NPHP4: variants seen among roughly 807,000 people sequenced by gnomAD.
The protein encoded by NPHP4 is nephrocystin 4.
A neutral mutation model predicts 155.8 loss-of-function variants in NPHP4; 151 were observed. That is an observed-to-expected ratio of 0.97 (90% CI 0.85 to 1.11). The LOEUF is 1.11. Ranked by LOEUF, NPHP4 falls within the 50% of genes least tolerant of loss-of-function variation. The pLI is 0.00. For missense variants in NPHP4, 1,956 were observed against 1,925.7 expected (o/e 1.02, Z -0.29); for synonymous variants, 845 against 816.8 (o/e 1.03, Z -0.59).
intron 26 of NPHP4, 114 bp from the exon 27 acceptor site, chr1:5,865,387 C>G: frequency 2.1e-6 from 2 of 963,454 alleles, no homozygotes; most frequent in East Asian, 2.7e-5. Context: ...GCAGGGAAAG[C>G]CCCAGAGGAC....
chr1:5,868,943 TGCAC>T (rs1213681527), intron 23 of NPHP4, among the ~76,000 whole-genome samples: 1 of 104,926 alleles, frequency 9.5e-6, no homozygotes, highest in African/African-American at 3.8e-5. Context: ...TGCACCCACA[TGCAC>T]ACACACACAA....
chr1:5,964,933 A>ATTTTTTTTTTTTT (rs1327414741), intron 5 of NPHP4, among the ~76,000 whole-genome samples: 3 of 23,778 alleles, frequency 1.3e-4, no homozygotes, highest in South Asian at 1.1e-3. Context: ...ATATATATAT[A>ATTTTTTTTTTTTT]TATATATATT....
chr1:5,920,014 CCT>C (rs991218673), intron 11 of NPHP4, among the ~76,000 whole-genome samples: 1 of 152,164 alleles, frequency 6.6e-6, no homozygotes, highest in Non-Finnish European at 1.5e-5. Context: ...CTCACTGCAA[CCT>C]CTGACTCCCA....
intron 6 of NPHP4, among the ~76,000 whole-genome samples, chr1:5,958,674 G>A (rs767311686): frequency 4.1e-5 from 6 of 147,978 alleles, no homozygotes; most frequent in Non-Finnish European, 8.9e-5. Flanking sequence ...TTGCCTGGGC[G>A]ACAGAGCAAG....
At chr1:5,904,905 G>A (rs562044384) in intron 15 of NPHP4, 101 bp from the exon 16 acceptor site, 49 of 1,198,048 alleles carry the variant, frequency 4.1e-5, no homozygotes, top group African/African-American at 1.5e-4. Flanking sequence ...CACCTTAGTC[G>A]CTGGGGAACA....
Position 5,905,551 on chromosome 1 carries a change from G to T in NPHP4, c.1764-68C>A. 6.3e-7 allele frequency: 1 copy of T among 1,599,080 alleles called. No individual in the cohort carries two copies. The highest frequency in any genetic ancestry group is 2.2e-5 in the East Asian group (1 of 44,648). ...GGACCCATTGATGCACCTCCCTGTG[G>T]AAACCCTGGGGTTCACAAGGTCCAA... On this transcript the variant is annotated intron_variant, in intron 14 of 29. Coordinates refer to ENST00000378156, the MANE Select transcript of NPHP4 (RefSeq NM_015102.5). The surrounding 1 kb of genome is among the most constrained non-coding windows in gnomAD (Gnocchi z 4.0).
intron 17 of NPHP4, chr1:5,888,385 T>G: frequency 9.1e-7 from 1 of 1,094,248 alleles, no homozygotes; most frequent in Non-Finnish European, 1.1e-6. Flanking sequence ...TGGGAGCAGA[T>G]GAGGTTCCGG....
chr1:5,885,629 C>T (rs959796510), intron 18 of NPHP4, among the ~76,000 whole-genome samples: 1 of 152,214 alleles, frequency 6.6e-6, no homozygotes, highest in Non-Finnish European at 1.5e-5. Context: ...GGTTTCCTTG[C>T]GTGGCCTCAG....
chr1:5,877,260 C>T lies in NPHP4; in HGVS notation c.2650G>A (p.Asp884Asn). The change falls in exon 20 of 30, where the codon GAC becomes AAC. Residue 884 changes from aspartate (D) to asparagine (N), a missense_variant. Transcript: ENST00000378156. The part of the protein sequence containing the change: ...VVQAQKLADV[D>N]SELAAMLLTH... ...AGTAGCATGGCAGCCAGCTCACTGT[C>T]CACGTCCGCCAGCTTCTGTGCTTGC... 2 of 1,605,490 alleles carry T rather than the reference C, an allele frequency of 1.2e-6. No individual in the cohort carries two copies. The highest frequency in any genetic ancestry group is 1.7e-6 in the Non-Finnish European group (2 of 1,173,622).
chr1:5,989,643 C>T (rs570884668), intron 1 of NPHP4, among the ~76,000 whole-genome samples: 4 of 152,356 alleles, frequency 2.6e-5, no homozygotes, highest in Admixed American at 2.6e-4. Flanking sequence ...TTATAACATT[C>T]AGAAATGTAT....
chr1:5,910,138 G>A lies in NPHP4; in HGVS notation c.1442-925C>T, dbSNP rs1446932279. ...ACTGCCATTTGCCTTTGCCCACCAT[G>A]AAACCACCAAGCCAGACCCCAAGCC... On this transcript the variant is annotated intron_variant, in intron 11 of 29. Coordinates refer to ENST00000378156, the MANE Select transcript of NPHP4 (RefSeq NM_015102.5). The surrounding 1 kb of genome is among the most constrained non-coding windows in gnomAD (Gnocchi z 5.4). Among the ~76,000 whole-genome samples the A allele has an allele frequency of 6.6e-6, 1 of 152,158 alleles. No individual in the cohort carries two copies.
Position 5,867,134 on chromosome 1 carries a change from C to CA in NPHP4, c.3473-20dup. 6.3e-7 allele frequency: 1 copy of CA among 1,586,868 alleles called. No homozygotes were observed. The highest frequency in any genetic ancestry group is 8.6e-7 in the Non-Finnish European group (1 of 1,161,214). The stretch of plus-strand genomic sequence containing the variant: ...GGAGCACCTGGAGCAGGGGAAATGT[C>CA]AAAAAGAGTCTTCTCCACAGCCCCA... On this transcript the variant is annotated intron_variant, in intron 24 of 29. Transcript: ENST00000378156. The surrounding 1 kb of genome is among the most constrained non-coding windows in gnomAD (Gnocchi z 4.1).
In NPHP4 at chr1:5,954,471, T is replaced by C. The variant is rs1226525589; in HGVS notation, c.674-1635A>G. 2.6e-5 allele frequency among the ~76,000 whole-genome samples: 4 copies of C among 152,250 alleles called. No individual in the cohort carries two copies. The East Asian group carries it at 7.7e-4, about 29-fold the overall frequency. On this transcript the variant is annotated intron_variant, in intron 6 of 29. Coordinates refer to ENST00000378156, the MANE Select transcript of NPHP4 (RefSeq NM_015102.5). ...TTATTTTCTTCTTTATAGTTTTCTATATTGTCCCCATCACAAACTCACATT... is the reference window on the plus strand; with the variant it reads ...TTATTTTCTTCTTTATAGTTTTCTACATTGTCCCCATCACAAACTCACATT...
intron 11 of NPHP4, among the ~76,000 whole-genome samples, chr1:5,913,957 C>G (rs1306443309): frequency 6.6e-6 from 1 of 152,066 alleles, no homozygotes; most frequent in Non-Finnish European, 1.5e-5. Context: ...TCCAGCCAAC[C>G]CCATGGCCGC....
rs1458018707 is a variant in NPHP4, at chr1:5,986,188, G to T, written c.102C>A (p.Val34=). ...PWKESTAFQC[V]LKWLDGPVIR... is the part of the protein sequence containing the mutation. The stretch of plus-strand genomic sequence containing the variant: ...TTACCGGTCCGTCCAGCCACTTGAG[G>T]ACACACTGGAATGCCGTGGATTCCT... The change falls in exon 2 of 30, where the codon GTC becomes GTA. Residue 34 remains valine, a synonymous_variant. Coordinates refer to ENST00000378156, the MANE Select transcript of NPHP4 (RefSeq NM_015102.5). 4 of 1,613,912 alleles carry T rather than the reference G, an allele frequency of 2.5e-6. No individual in the cohort carries two copies. The highest frequency in any genetic ancestry group is 3.4e-6 in the Non-Finnish European group (4 of 1,179,878).
intron 16 of NPHP4, among the ~76,000 whole-genome samples, chr1:5,898,609 A>G (rs1305937415): frequency 6.6e-6 from 1 of 152,246 alleles, no homozygotes. Context: ...AGGCCTGGGA[A>G]GCTGGAACCA....
At chr1:5,920,336 T>C (rs1307398298) in intron 11 of NPHP4, among the ~76,000 whole-genome samples, 1 of 151,886 alleles carries the variant, frequency 6.6e-6, no homozygotes, top group Admixed American at 6.6e-5. Flanking sequence ...GCTGGGATTA[T>C]AGGCATGAGC....
chr1:5,869,588 A>C (rs1163260986), intron 23 of NPHP4, among the ~76,000 whole-genome samples: 5 of 152,266 alleles, frequency 3.3e-5, no homozygotes, highest in Non-Finnish European at 7.3e-5. Context: ...TATCCAGAGA[A>C]GAATTCTTTA....
chr1:5,880,086 A>G lies in NPHP4; in HGVS notation c.2611+28T>C, dbSNP rs769328178. The stretch of plus-strand genomic sequence containing the variant: ...CTCACCCACCACTCACGACCCACCC[A>G]CACATGGGCCCAACAGTGTAAACTC... On this transcript the variant is annotated intron_variant, in intron 19 of 29. Transcript: ENST00000378156. 2.5e-6 allele frequency: 4 copies of G among 1,612,292 alleles called. No homozygotes were observed. The South Asian group carries it at 4.4e-5, about 18-fold the overall frequency.
Sources: allele counts gnomAD v4.1 joint callset (sites outside exome capture counted in the v4.1 genomes callset), GRCh38; gene constraint gnomAD v4.1.1; non-coding constraint Gnocchi (gnomAD v3.1); transcripts MANE v1.5; gene names NCBI Gene and HGNC (gene_info 2026-07-23, HGNC 2026-07-21).